Variants in CHD7 observed in about 807,000 individuals in gnomAD.
CHD7 encodes the protein ATP-dependent chromatin remodeler CHD7.
CHD7 carries 24 observed loss-of-function variants against 307.3 expected under a neutral mutation model. The observed-to-expected ratio is 0.08, with a 90% CI of 0.06 to 0.11. The LOEUF is 0.11. CHD7 is among the 10% of genes least tolerant of loss of function. The probability of loss-of-function intolerance (pLI) is 1.00; values close to 1 mark genes in which losing one functional copy is unlikely to be tolerated. For missense variants in CHD7, 3,106 were observed against 3,727.1 expected (o/e 0.83, Z 4.34); for synonymous variants, 1,363 against 1,349.9 (o/e 1.01, Z -0.21).
At chr8:60,694,233 GATAA>G (rs578088467) in intron 1 of CHD7, among the ~76,000 whole-genome samples, 80 of 152,358 alleles carry the variant, frequency 5.3e-4, no homozygotes, top group African/African-American at 1.8e-3. Context: ...TTTTTTCAAA[GATAA>G]ATAAGAACCA....
Position 60,853,428 on chromosome 8 carries a change from A to C in CHD7, c.6703A>C (p.Lys2235Gln), listed in dbSNP as rs1339995616. 6.6e-7 allele frequency: 1 copy of C among 1,522,452 alleles called. No homozygotes were observed. Among genetic ancestry groups the C allele is most frequent in the East Asian group, 2.3e-5 (1 of 44,226 alleles). 94.3% of individuals were successfully genotyped at this position (1,522,452 alleles called of 1,614,324 possible). Residue 2235 changes from lysine (K) to glutamine (Q), a missense_variant, in exon 31 of 38, where the codon AAA becomes CAA. Coordinates refer to ENST00000423902, the MANE Select transcript of CHD7 (RefSeq NM_017780.4). Reference sequence around the variant, plus strand: ...CACTGGGTCCAAATCTATTTCAGAGAAAGGTTCCGAAGAGGATGAAGAGGA... The same window carrying C: ...CACTGGGTCCAAATCTATTTCAGAGCAAGGTTCCGAAGAGGATGAAGAGGA... ...ADTGSKSISE[K>Q]GSEEDEEEKL... is the part of the protein sequence containing the mutation.
chr8:60,759,819 A>G (rs1320548781), intron 2 of CHD7, among the ~76,000 whole-genome samples: 1 of 152,230 alleles, frequency 6.6e-6, no homozygotes, highest in Non-Finnish European at 1.5e-5. Context: ...AACGGAGGAC[A>G]GCTATGTAGG....
chr8:60,727,732 T>C (rs1808242870), intron 1 of CHD7, among the ~76,000 whole-genome samples: 1 of 152,240 alleles, frequency 6.6e-6, no homozygotes, highest in African/African-American at 2.4e-5. Context: ...TGTTTGTCAA[T>C]GACTTAAACG....
chr8:60,811,401 G>C (rs568582482), intron 7 of CHD7, among the ~76,000 whole-genome samples: 4 of 151,614 alleles, frequency 2.6e-5, no homozygotes, highest in Non-Finnish European at 5.9e-5. Context: ...TTTCCTCTTC[G>C]TTCTTACAAA....
chr8:60,796,314 G>A (rs1812032704), intron 4 of CHD7, among the ~76,000 whole-genome samples: 1 of 152,152 alleles, frequency 6.6e-6, no homozygotes, highest in Non-Finnish European at 1.5e-5. Flanking sequence ...TAATTGCGTA[G>A]GCTGTTTTAC....
At chr8:60,682,160 T>C (rs1003015613) in intron 1 of CHD7, among the ~76,000 whole-genome samples, 21 of 152,226 alleles carry the variant, frequency 1.4e-4, no homozygotes, top group African/African-American at 5.1e-4. Context: ...AGTAACTTAG[T>C]TTTAAAATAG....
chr8:60,768,594 G>C (rs1171086343), intron 2 of CHD7, among the ~76,000 whole-genome samples: 1 of 152,290 alleles, frequency 6.6e-6, no homozygotes, highest in South Asian at 2.1e-4. Flanking sequence ...AATTCGTTCT[G>C]CATGTTGTTT....
intron 1 of CHD7, among the ~76,000 whole-genome samples, chr8:60,730,519 T>C (rs1808392068): frequency 6.6e-6 from 1 of 152,066 alleles, no homozygotes; most frequent in Admixed American, 6.5e-5. Flanking sequence ...CTTTCCAAGG[T>C]TTCAGTTTCA....
At chr8:60,828,374 G>T (rs1274966247) in intron 13 of CHD7, among the ~76,000 whole-genome samples, 1 of 152,096 alleles carries the variant, frequency 6.6e-6, no homozygotes, top group Non-Finnish European at 1.5e-5. Context: ...ATTGAGACTT[G>T]GGGGACTTAA....
At chr8:60,791,523 C>T (rs1811771421) in intron 3 of CHD7, among the ~76,000 whole-genome samples, 1 of 152,212 alleles carries the variant, frequency 6.6e-6, no homozygotes, top group African/African-American at 2.4e-5. Flanking sequence ...CCTTTTCATA[C>T]GTTCCAGCTT....
intron 2 of CHD7, among the ~76,000 whole-genome samples, chr8:60,778,883 T>G (rs142371203): frequency 2.6e-4 from 40 of 152,336 alleles, no homozygotes; most frequent in Non-Finnish European, 4.9e-4. Context: ...GGACAGTGCC[T>G]CTGTTGATGT....
At chr8:60,713,358 C>T (rs1483520764) in intron 1 of CHD7, among the ~76,000 whole-genome samples, 2 of 152,124 alleles carry the variant, frequency 1.3e-5, no homozygotes, top group African/African-American at 2.4e-5. Flanking sequence ...GACCCGCCTG[C>T]GTTGGCCTCC....
At chr8:60,854,804 T>C (rs1311336047) in intron 32 of CHD7, among the ~76,000 whole-genome samples, 2 of 152,204 alleles carry the variant, frequency 1.3e-5, no homozygotes, top group Non-Finnish European at 2.9e-5. Flanking sequence ...GGCTTTTAGG[T>C]TACTTACCCC....
intron 7 of CHD7, among the ~76,000 whole-genome samples, chr8:60,815,458 A>G (rs1467680208): frequency 6.6e-6 from 1 of 152,200 alleles, no homozygotes; most frequent in Non-Finnish European, 1.5e-5. Flanking sequence ...TTTGAGGGGC[A>G]GGGAGAGGGT....
At chr8:60,848,460 T>C in intron 23 of CHD7, 55 bp from the exon 24 acceptor site, 1 of 1,295,986 alleles carries the variant, frequency 7.7e-7, no homozygotes, top group South Asian at 1.3e-5. Flanking sequence ...AAAGCCACTG[T>C]TGGCAAACAG....
intron 1 of CHD7, among the ~76,000 whole-genome samples, chr8:60,739,960 G>GA (rs1385700408): frequency 2.0e-5 from 3 of 151,956 alleles, no homozygotes; most frequent in African/African-American, 4.8e-5. Flanking sequence ...TTATAAAAGA[G>GA]AAAAAAATGA....
At chr8:60,680,102 C>A (rs1026540017) in intron 1 of CHD7, among the ~76,000 whole-genome samples, 2 of 151,744 alleles carry the variant, frequency 1.3e-5, no homozygotes, top group African/African-American at 4.8e-5. Context: ...TCGGCTCCCC[C>A]GCCCCCCAAC....
intron 6 of CHD7, among the ~76,000 whole-genome samples, chr8:60,801,911 A>G (rs1208477760): frequency 6.6e-6 from 1 of 152,182 alleles, no homozygotes; most frequent in Non-Finnish European, 1.5e-5. Context: ...AAATCAAAAC[A>G]TGAATTTACT....
intron 21 of CHD7, among the ~76,000 whole-genome samples, chr8:60,842,654 G>A (rs777523791): frequency 1.3e-5 from 2 of 152,096 alleles, no homozygotes; most frequent in Admixed American, 6.6e-5. Context: ...GTCAATAAGA[G>A]TTCTCTAGCA....
Sources: allele counts gnomAD v4.1 joint callset (sites outside exome capture counted in the v4.1 genomes callset), GRCh38; gene constraint gnomAD v4.1.1; transcripts MANE v1.5; gene names NCBI Gene and HGNC (gene_info 2026-07-23, HGNC 2026-07-21).